The following ODAD3 variants were observed in gnomAD, a reference collection of about 807,000 sequenced individuals.
ODAD3 encodes the protein outer dynein arm-docking complex subunit 3.
A neutral mutation model predicts 70.9 loss-of-function variants in ODAD3; 57 were observed. The ratio of observed to expected loss-of-function variants is 0.80; its 90% CI spans 0.65 to 1.00. ODAD3 has a LOEUF of 1.00. Ranked by LOEUF, ODAD3 falls within the 50% of genes least tolerant of loss-of-function variation. The pLI is 0.00. For synonymous variants in ODAD3, 327 were observed against 315.9 expected (o/e 1.04, Z -0.37); for missense variants, 797 against 763.9 (o/e 1.04, Z -0.51).
chr19:11,434,606 CAT>C, intron 1 of ODAD3, 165 bp downstream of exon 1: 1 of 773,998 alleles, frequency 1.3e-6, no homozygotes, highest in East Asian at 2.5e-5. Flanking sequence ...GTTCTGAACC[CAT>C]GAGAAGTTTT....
intron 7 of ODAD3, among the ~76,000 whole-genome samples, chr19:11,425,185 ATATATACATATGTG>A (rs1239826984): frequency 8.6e-5 from 12 of 138,818 alleles, no homozygotes; most frequent in Admixed American, 8.4e-4. Context: ...ACATATGTGT[ATATATACATATGTG>A]TATGTGTACA....
At position 11,426,231 on chromosome 19, in the gene ODAD3, T is replaced by C; in HGVS notation, c.876A>G (p.Arg292=). Reference sequence around the variant, plus strand: ...TGTAGCGTTCCCGCTTCTTGCGCTCTCGAACCAAGGTCTCCTCTAGGTACT... The same window carrying C: ...TGTAGCGTTCCCGCTTCTTGCGCTCCCGAACCAAGGTCTCCTCTAGGTACT... ...QLQYLEETLV[R]ERKKRERYIS... is the part of the protein sequence containing the mutation. Residue 292 remains arginine (R), a synonymous_variant, in exon 7 of 13, where the codon CGA becomes CGG. Transcript: ENST00000356392. The C allele has an allele frequency of 6.2e-7, 1 of 1,613,898 alleles. No homozygotes were observed. Among genetic ancestry groups the C allele is most frequent in the Non-Finnish European group, 8.5e-7 (1 of 1,179,924 alleles).
At chr19:11,425,017 A>ATG (rs1969257981) in intron 7 of ODAD3, among the ~76,000 whole-genome samples, 3 of 131,920 alleles carry the variant, frequency 2.3e-5, no homozygotes, top group Non-Finnish European at 4.6e-5. Context: ...ATATGTGTAT[A>ATG]TATACATATG....
Position 11,420,922 on chromosome 19 carries a change from G to C in ODAD3, c.1701C>G (p.Asn567Lys), listed in dbSNP as rs1399756063. 1 of 1,613,676 alleles carries C rather than the reference G, an allele frequency of 6.2e-7. No individual in the cohort carries two copies. The highest frequency in any genetic ancestry group is 1.3e-5 in the African/African-American group (1 of 74,788). The stretch of plus-strand genomic sequence containing the variant: ...TGAGTGATGCGCGGGTCACTACCTC[G>C]TTGTCCTCCTCCTCACTCTCTTCGT... ...FFDEESEEED[N>K]EVVTRASLKI... is the part of the protein sequence containing the mutation. Residue 567 changes from asparagine (N) to lysine (K), a missense_variant, in exon 13 of 13, where the codon AAC (asparagine) becomes AAG (lysine). Coordinates refer to ENST00000356392, the MANE Select transcript of ODAD3 (RefSeq NM_145045.5).
Position 11,422,843 on chromosome 19 carries a change from G to A in ODAD3, c.1135C>T (p.Leu379=), listed in dbSNP as rs757344292. 6.2e-7 allele frequency: 1 copy of A among 1,601,708 alleles called. No individual in the cohort carries two copies. Among genetic ancestry groups the A allele is most frequent in the Admixed American group, 1.7e-5 (1 of 60,016 alleles). ...DETHSLVRRF[L]AQGDTFAQLE... ...TGCGCGAAGGTGTCGCCCTGGGCCA[G>A]GAACCGCCGCACCAACGACTGCGGG... The change falls in exon 9 of 13, where the codon CTG becomes TTG. Residue 379 remains leucine, a synonymous_variant. Coordinates refer to ENST00000356392, the MANE Select transcript of ODAD3 (RefSeq NM_145045.5). This position sits in a 1 kb window ranked among gnomAD's most constrained non-coding sequence, Gnocchi z 4.6.
chr19:11,435,269 T>C, upstream of ODAD3: 1 of 1,240,246 alleles, frequency 8.1e-7, no homozygotes, highest in Non-Finnish European at 1.1e-6. Context: ...AGAGGGGCGG[T>C]CCCAACAGTG....
At chr19:11,427,855 C>T (rs1599463913) in intron 3 of ODAD3, among the ~76,000 whole-genome samples, 2 of 150,390 alleles carry the variant, frequency 1.3e-5, no homozygotes, top group East Asian at 4.2e-4. Context: ...AATCCCAGCA[C>T]TTTGGGAGGC....
At chr19:11,434,654 A>G in intron 1 of ODAD3, 119 bp downstream of exon 1, 1 of 1,276,032 alleles carries the variant, frequency 7.8e-7, no homozygotes, top group Non-Finnish European at 1.1e-6. Context: ...ACTAAGTATG[A>G]GTTTTTGCCC....
At chr19:11,427,299 C>T (rs1302636341) in intron 3 of ODAD3, among the ~76,000 whole-genome samples, 1 of 150,576 alleles carries the variant, frequency 6.6e-6, no homozygotes, top group Admixed American at 6.6e-5. Context: ...TTCTTTCTTT[C>T]GTTTTTTTTT....
chr19:11,428,853 G>GTTTT (rs1969441051), intron 3 of ODAD3, among the ~76,000 whole-genome samples: 1 of 146,342 alleles, frequency 6.8e-6, no homozygotes, highest in African/African-American at 2.6e-5. Flanking sequence ...CCTAGACTGT[G>GTTTT]TTTTATTTTT....
At chr19:11,421,982 G>C in intron 10 of ODAD3, 150 bp from the exon 11 acceptor site, 1 of 773,346 alleles carries the variant, frequency 1.3e-6, no homozygotes, top group Non-Finnish European at 2.0e-6. Flanking sequence ...CGGGGACTTA[G>C]GTCAAGGCCA....
chr19:11,434,093 G>T (rs1568355521), intron 1 of ODAD3, among the ~76,000 whole-genome samples: 1 of 151,984 alleles, frequency 6.6e-6, no homozygotes, highest in Non-Finnish European at 1.5e-5. Flanking sequence ...CGCACCTATA[G>T]TCCCAGCTAG....
chr19:11,434,915 G>A lies in ODAD3; in HGVS notation c.102C>T (p.Gly34=). 1 of 1,614,102 alleles carries A rather than the reference G, an allele frequency of 6.2e-7. No individual in the cohort carries two copies. Among genetic ancestry groups the A allele is most frequent in the Non-Finnish European group, 8.5e-7 (1 of 1,180,044 alleles). The change falls in exon 1 of 13, where the codon GGC becomes GGT. Residue 34 remains glycine, a synonymous_variant. Coordinates refer to ENST00000356392, the MANE Select transcript of ODAD3 (RefSeq NM_145045.5). ...CCTTGCCTCGGAGGTGGCTGGGTTTGCCCGAAGCCTCCCTGCCCTTGACCC... is the reference window on the plus strand; with the variant it reads ...CCTTGCCTCGGAGGTGGCTGGGTTTACCCGAAGCCTCCCTGCCCTTGACCC... ...SSRVKGREAS[G]KPSHLRGKGT...
At chr19:11,435,165 C>G (rs1336747371), upstream of ODAD3, 1 of 1,433,130 alleles carries the variant, frequency 7.0e-7, no homozygotes, top group African/African-American at 1.4e-5. Flanking sequence ...CTCTCGGTTG[C>G]CAGGTAACCG....
At chr19:11,425,135 GTGTATATGTACATATGTATATA>G (rs1969276279) in intron 7 of ODAD3, among the ~76,000 whole-genome samples, 5 of 127,666 alleles carry the variant, frequency 3.9e-5, no homozygotes, top group South Asian at 4.8e-4. Flanking sequence ...ATGTGTATAT[GTGTATATGTACATATGTATATA>G]TACATATGTG....
At chr19:11,424,965 A>ATATGTACCTATGTG (rs1969249112) in intron 7 of ODAD3, among the ~76,000 whole-genome samples, 2 of 119,776 alleles carry the variant, frequency 1.7e-5, no homozygotes, top group Non-Finnish European at 3.4e-5. Flanking sequence ...ACATATGTGT[A>ATATGTACCTATGTG]TATATGTATA....
Position 11,422,708 on chromosome 19 carries a change from G to C in ODAD3, c.1270C>G (p.Leu424Val). ...EDLKYSGEAT[L>V]VSQQKLQAEA... ...AGAGCCCCGGTGCCTCACCTCACCA[G>C]CGTGGCCTCCCCCGAGTACTTGAGG... Residue 424 changes from leucine (L) to valine (V), a missense_variant, in exon 9 of 13, where the codon CTG becomes GTG. Leu to Val is a conservative substitution (Grantham distance 32). Transcript: ENST00000356392. This position sits in a 1 kb window ranked among gnomAD's most constrained non-coding sequence, Gnocchi z 4.6. 2.5e-6 allele frequency: 4 copies of C among 1,612,418 alleles called. No homozygotes were observed. Among genetic ancestry groups the C allele is most frequent in the Non-Finnish European group, 3.4e-6 (4 of 1,179,838 alleles).
chr19:11,420,998 A>T, intron 12 of ODAD3, 51 bp from the exon 13 acceptor site: 1 of 1,584,810 alleles, frequency 6.3e-7, no homozygotes, highest in Non-Finnish European at 8.7e-7. Context: ...CCAGGTCCCC[A>T]TCCCTGGCTC....
Position 11,435,077 on chromosome 19 carries a change from T to C in ODAD3, c.-61A>G. 5 of 1,535,276 alleles carry C rather than the reference T, an allele frequency of 3.3e-6. No individual in the cohort carries two copies. The highest frequency in any genetic ancestry group is 3.5e-6 in the Non-Finnish European group (4 of 1,145,686). ...GGGATAACTAGGAGTCAGTCGCCCC[T>C]GTCAGGGATCCGTCAGCTCGGATTC... On this transcript the variant is annotated 5_prime_UTR_variant, in exon 1 of 13. Transcript: ENST00000356392.
Sources: allele counts gnomAD v4.1 joint callset (sites outside exome capture counted in the v4.1 genomes callset), GRCh38; gene constraint gnomAD v4.1.1; non-coding constraint Gnocchi (gnomAD v3.1); transcripts MANE v1.5; gene names NCBI Gene and HGNC (gene_info 2026-07-23, HGNC 2026-07-21).